Variants in FSTL4 observed in about 807,000 individuals in gnomAD.
FSTL4 encodes follistatin like 4, also known as follistatin-related protein 4.
FSTL4 carries 28 observed loss-of-function variants against 78.2 expected under a neutral mutation model. The ratio of observed to expected loss-of-function variants is 0.36; its 90% confidence interval spans 0.27 to 0.49. The LOEUF (loss-of-function observed/expected upper bound fraction) is 0.49, where lower values mean the gene tolerates loss of function less well. Ranked by LOEUF, FSTL4 falls within the 20% of genes least tolerant of loss-of-function variation. The pLI is 0.98. For synonymous variants in FSTL4, 422 were observed against 440.5 expected (o/e 0.96, Z 0.53); for missense variants, 922 against 1,084.9 (o/e 0.85, Z 2.11).
At chr5:133,246,833 A>G (rs1327965268) in intron 7 of FSTL4, 1 of 152,240 alleles carries the variant, frequency 6.6e-6, no homozygotes, top group Non-Finnish European at 1.5e-5. Flanking sequence ...TGACAGTGAT[A>G]ATAGCATTTA....
At chr5:133,351,482 T>C (rs967604923) in intron 4 of FSTL4, among the ~76,000 whole-genome samples, 1 of 152,224 alleles carries the variant, frequency 6.6e-6, no homozygotes, top group Admixed American at 6.5e-5. Flanking sequence ...CTTGTCATTG[T>C]CACCCATATC....
chr5:133,393,150 A>C (rs1755897032), intron 4 of FSTL4, among the ~76,000 whole-genome samples: 1 of 152,028 alleles, frequency 6.6e-6, no homozygotes, highest in Non-Finnish European at 1.5e-5. Context: ...GTGAACTGTC[A>C]GTTCAGTGAA....
the FSTL4 span, among the ~76,000 whole-genome samples, chr5:133,695,184 C>T: frequency 6.6e-6 from 1 of 152,264 alleles, no homozygotes; most frequent in South Asian, 2.1e-4. Context: ...TGATCGTCAT[C>T]ATCAATGCCA....
intron 3 of FSTL4, among the ~76,000 whole-genome samples, chr5:133,469,824 G>C (rs1487214472): frequency 1.3e-5 from 2 of 152,076 alleles, no homozygotes; most frequent in Non-Finnish European, 2.9e-5. Flanking sequence ...CAGAACATAT[G>C]CAGAAGAGGC....
intron 6 of FSTL4, among the ~76,000 whole-genome samples, chr5:133,253,232 G>T (rs993504827): frequency 6.6e-6 from 1 of 152,132 alleles, no homozygotes; most frequent in Non-Finnish European, 1.5e-5. Flanking sequence ...GGAAAGAGTA[G>T]GACTAAGTGG....
the FSTL4 span, among the ~76,000 whole-genome samples, chr5:133,687,822 A>T: frequency 6.6e-6 from 1 of 152,352 alleles, no homozygotes; most frequent in South Asian, 2.1e-4. Flanking sequence ...GGGCACCATC[A>T]GTGCAGGCTG....
intron 2 of FSTL4, among the ~76,000 whole-genome samples, chr5:133,569,231 TTTCCAA>T (rs1340577096): frequency 1.3e-5 from 2 of 152,256 alleles, no homozygotes; most frequent in Admixed American, 6.5e-5. Context: ...TTATCTCTTC[TTTCCAA>T]TTCCTATACT....
the FSTL4 span, among the ~76,000 whole-genome samples, chr5:133,662,174 G>C: frequency 3.3e-5 from 5 of 152,056 alleles, no homozygotes; most frequent in African/African-American, 1.2e-4. Context: ...TTTCTAAAAA[G>C]GCTTTAAAAA....
chr5:133,536,065 G>A (rs1227555065), intron 3 of FSTL4, among the ~76,000 whole-genome samples: 1 of 152,210 alleles, frequency 6.6e-6, no homozygotes, highest in African/African-American at 2.4e-5. Flanking sequence ...ACACGGAATG[G>A]TGAATAAGCA....
chr5:133,213,323 AAAGAT>A (rs1182695838), intron 13 of FSTL4, among the ~76,000 whole-genome samples: 1 of 148,122 alleles, frequency 6.8e-6, no homozygotes, highest in Admixed American at 6.6e-5. Context: ...AAAGTAAAGT[AAAGAT>A]ATTTGAAAAG....
chr5:133,701,378 G>A, the FSTL4 span, among the ~76,000 whole-genome samples: 19 of 146,844 alleles, frequency 1.3e-4, no homozygotes, highest in Admixed American at 3.4e-4. Context: ...ACTCCAGCCC[G>A]GGCAATAGAG....
At chr5:133,235,557 G>T (rs1008981522) in intron 7 of FSTL4, among the ~76,000 whole-genome samples, 6 of 151,636 alleles carry the variant, frequency 4.0e-5, no homozygotes, top group African/African-American at 1.5e-4. Flanking sequence ...AGGGGTGCCG[G>T]CCCAGAGTGA....
intron 2 of FSTL4, among the ~76,000 whole-genome samples, chr5:133,601,288 T>C (rs529081025): frequency 1.3e-5 from 2 of 152,298 alleles, no homozygotes; most frequent in Admixed American, 6.5e-5. Context: ...ATTTTGCTTA[T>C]AAAATTATTA....
chr5:133,278,954 G>A (rs1188394464), intron 6 of FSTL4, among the ~76,000 whole-genome samples: 3 of 152,244 alleles, frequency 2.0e-5, no homozygotes, highest in African/African-American at 7.2e-5. Flanking sequence ...AGCTGAAGAT[G>A]TAGCTGCACA....
At chr5:133,841,559 AT>A in the FSTL4 span, among the ~76,000 whole-genome samples, 895 of 152,254 alleles carry the variant, frequency 5.9e-3, 14 homozygotes, top group African/African-American at 0.021. Context: ...ACACATGTCC[AT>A]TCTCTCTTTT....
chr5:133,608,613 C>G (rs1449341193), intron 1 of FSTL4, among the ~76,000 whole-genome samples: 3 of 152,314 alleles, frequency 2.0e-5, no homozygotes, highest in Non-Finnish European at 4.4e-5. Flanking sequence ...GCAGATTTTG[C>G]TTTTCTCAAT....
intron 4 of FSTL4, among the ~76,000 whole-genome samples, chr5:133,331,324 A>T (rs960536970): frequency 1.3e-5 from 2 of 152,002 alleles, no homozygotes; most frequent in African/African-American, 2.4e-5. Flanking sequence ...CTCTGTGTTG[A>T]TCTTCAGCTT....
At chr5:133,299,705 C>T (rs1395409689) in intron 6 of FSTL4, among the ~76,000 whole-genome samples, 1 of 152,152 alleles carries the variant, frequency 6.6e-6, no homozygotes, top group Non-Finnish European at 1.5e-5. Context: ...GCCAGAGCTC[C>T]CTGAAAGGCT....
At chr5:133,742,812 C>T in the FSTL4 span, among the ~76,000 whole-genome samples, 16 of 152,096 alleles carry the variant, frequency 1.1e-4, no homozygotes, top group African/African-American at 3.9e-4. Flanking sequence ...CCTGAAGGAA[C>T]AAGGAGCATA....
Sources: allele counts gnomAD v4.1 joint callset (sites outside exome capture counted in the v4.1 genomes callset), GRCh38; gene constraint gnomAD v4.1.1; transcripts MANE v1.5; gene names NCBI Gene and HGNC (gene_info 2026-07-23, HGNC 2026-07-21).